The following JMJD1C variants were observed in gnomAD, a reference collection of about 807,000 sequenced individuals.
The protein encoded by JMJD1C is jumonji domain containing 1C.
In JMJD1C, 31 loss-of-function variants were observed where a neutral mutation model predicts 245.3. The ratio of observed to expected loss-of-function variants is 0.13; its 90% confidence interval spans 0.09 to 0.17. The LOEUF (loss-of-function observed/expected upper bound fraction) is 0.17. JMJD1C is among the 10% of genes least tolerant of loss of function. JMJD1C has a pLI of 1.00. For synonymous variants in JMJD1C, 1,057 were observed against 1,017.4 expected (o/e 1.04, Z -0.74); for missense variants, 2,691 against 3,000.2 (o/e 0.90, Z 2.41).
chr10:63,399,492 T>G (rs943985467), intron 1 of JMJD1C, among the ~76,000 whole-genome samples: 1 of 152,180 alleles, frequency 6.6e-6, no homozygotes, highest in Non-Finnish European at 1.5e-5. Context: ...AATAAAATTC[T>G]ACACTGTTTT....
chr10:63,295,084 T>G (rs1436778789), intron 2 of JMJD1C, among the ~76,000 whole-genome samples: 2 of 151,822 alleles, frequency 1.3e-5, no homozygotes, highest in Non-Finnish European at 2.9e-5. Flanking sequence ...AAAAAAGGAA[T>G]AGCATTTAGA....
chr10:63,193,656 ATG>A (rs975987847), intron 14 of JMJD1C, 184 bp from the exon 15 acceptor site: 79 of 464,230 alleles, frequency 1.7e-4, no homozygotes, highest in African/African-American at 1.4e-3. Flanking sequence ...AACCAAATTT[ATG>A]TTTTTTTTGT....
At position 63,500,647 on chromosome 10, in the gene JMJD1C, G is replaced by A. The variant is rs1454412116; in HGVS notation, n.113+21091C>T. On this transcript the variant is annotated intron_variant and non_coding_transcript_variant, in intron 1 of 3. Transcript: ENST00000633035. ...CTTGAGAGGCAGAGGCAGGAGAATCGCTTGGACCTGGGAGGCAGAGGTTGC... is the reference window on the plus strand; with the variant it reads ...CTTGAGAGGCAGAGGCAGGAGAATCACTTGGACCTGGGAGGCAGAGGTTGC... Among the ~76,000 whole-genome samples, 4 of 152,040 alleles carry A rather than the reference G, an allele frequency of 2.6e-5. No homozygotes were observed. The East Asian group carries it at 5.8e-4, about 22-fold the overall frequency.
intron 2 of JMJD1C, among the ~76,000 whole-genome samples, chr10:63,293,787 T>A (rs1208491430): frequency 6.2e-5 from 5 of 80,004 alleles, no homozygotes; most frequent in Non-Finnish European, 4.0e-5. Flanking sequence ...CCTATTTCTC[T>A]AATTTTTTTT....
intron 1 of JMJD1C, among the ~76,000 whole-genome samples, chr10:63,502,479 C>A (rs7069880): frequency 0.99 from 149,925 of 152,176 alleles, 73,888 homozygotes; most frequent in Middle Eastern, 1. Context: ...CTCTAATAAA[C>A]ATACAAAAAT....
intron 3 of JMJD1C, among the ~76,000 whole-genome samples, chr10:63,258,611 C>CGCCA (rs891727934): frequency 4.2e-4 from 64 of 152,276 alleles, no homozygotes; most frequent in African/African-American, 1.4e-3. Flanking sequence ...CCATTACCAC[C>CGCCA]GCCACCACCA....
At chr10:63,235,433 G>C (rs1850618954) in intron 3 of JMJD1C, among the ~76,000 whole-genome samples, 1 of 152,126 alleles carries the variant, frequency 6.6e-6, no homozygotes, top group African/African-American at 2.4e-5. Context: ...CGAGGCAGAG[G>C]TTGCAGTGAG....
chr10:63,450,305 T>TG (rs1951968662), intron 1 of JMJD1C, among the ~76,000 whole-genome samples: 1 of 151,994 alleles, frequency 6.6e-6, no homozygotes, highest in Admixed American at 6.6e-5. Context: ...GAGGATCATT[T>TG]GAGGCCAGGG....
chr10:63,353,103 T>C (rs1230217547), intron 2 of JMJD1C, among the ~76,000 whole-genome samples: 1 of 152,242 alleles, frequency 6.6e-6, no homozygotes, highest in Non-Finnish European at 1.5e-5. Context: ...GGAAAATTTA[T>C]TAAGTACTTT....
intron 1 of JMJD1C, among the ~76,000 whole-genome samples, chr10:63,399,185 T>G (rs1386851279): frequency 6.6e-6 from 1 of 152,208 alleles, no homozygotes; most frequent in Non-Finnish European, 1.5e-5. Flanking sequence ...TGTCAAATTT[T>G]CCATCCTTGG....
chr10:63,223,365 T>C (rs1039779800), intron 3 of JMJD1C, among the ~76,000 whole-genome samples: 1 of 151,864 alleles, frequency 6.6e-6, no homozygotes, highest in Non-Finnish European at 1.5e-5. Context: ...GTAGCTGGGA[T>C]TACAGGCGCA....
At chr10:63,470,990 G>A (rs1416607752) in intron 1 of JMJD1C, among the ~76,000 whole-genome samples, 4 of 152,134 alleles carry the variant, frequency 2.6e-5, no homozygotes, top group African/African-American at 9.7e-5. Context: ...GGAACTACAA[G>A]AAATAAAGAA....
At position 63,168,127 on chromosome 10, in the gene JMJD1C, T is replaced by C; in HGVS notation, c.7541A>G (p.Asn2514Ser). ...INYDDKLQVK[N>S]ILYHAVKEMV... The stretch of plus-strand genomic sequence containing the variant: ...TTCTTTGACTGCATGATACAAAATA[T>C]TTTTAACCTGAAAGAGATGTTGATA... The change falls in exon 26 of 26, where the codon AAT (asparagine) becomes AGT (serine). Residue 2514 changes from asparagine to serine, a missense_variant. Transcript: ENST00000399262. 1 of 1,596,420 alleles carries C rather than the reference T, an allele frequency of 6.3e-7. No individual in the cohort carries two copies. The highest frequency in any genetic ancestry group is 8.6e-7 in the Non-Finnish European group (1 of 1,165,234).
intron 2 of JMJD1C, among the ~76,000 whole-genome samples, chr10:63,374,301 C>T (rs1005668020): frequency 1.3e-5 from 2 of 152,048 alleles, no homozygotes; most frequent in Admixed American, 6.6e-5. Flanking sequence ...ATTGAAACAA[C>T]GAAATATTAT....
intron 1 of JMJD1C, among the ~76,000 whole-genome samples, chr10:63,432,652 G>A (rs2132852432): frequency 6.6e-6 from 1 of 152,268 alleles, no homozygotes; most frequent in Non-Finnish European, 1.5e-5. Context: ...GACTTAGAAG[G>A]AAAACCTTAT....
chr10:63,492,102 C>G (rs1004553864), intron 1 of JMJD1C, among the ~76,000 whole-genome samples: 1 of 152,152 alleles, frequency 6.6e-6, no homozygotes, highest in Admixed American at 6.5e-5. Flanking sequence ...AGCGTGATCT[C>G]GGCTCTCTGC....
chr10:63,320,555 C>T (rs533384792), intron 2 of JMJD1C, among the ~76,000 whole-genome samples: 117 of 152,198 alleles, frequency 7.7e-4, no homozygotes, highest in Admixed American at 2.2e-3. Context: ...AAACTACAAT[C>T]TCTCATCTTT....
chr10:63,401,307 T>G (rs1224535740), intron 1 of JMJD1C, among the ~76,000 whole-genome samples: 1 of 152,214 alleles, frequency 6.6e-6, no homozygotes, highest in Non-Finnish European at 1.5e-5. Flanking sequence ...TCATTATAAT[T>G]CAGTTCAAAA....
At chr10:63,263,973 C>T (rs1268288323) in intron 3 of JMJD1C, among the ~76,000 whole-genome samples, 7 of 122,172 alleles carry the variant, frequency 5.7e-5, no homozygotes, top group African/African-American at 1.6e-4. Flanking sequence ...CACACACACA[C>T]ACACACACAC....
Sources: allele counts gnomAD v4.1 joint callset (sites outside exome capture counted in the v4.1 genomes callset), GRCh38; gene constraint gnomAD v4.1.1; transcripts MANE v1.5; gene names NCBI Gene and HGNC (gene_info 2026-07-23, HGNC 2026-07-21).